MARCHF10: variants seen among roughly 807,000 people sequenced by gnomAD.
The protein encoded by MARCHF10 is probable E3 ubiquitin-protein ligase MARCHF10.
A neutral mutation model predicts 76.2 loss-of-function variants in MARCHF10; 64 were observed. The ratio of observed to expected loss-of-function variants is 0.84; its 90% confidence interval spans 0.69 to 1.03. The LOEUF is 1.03. MARCHF10 is among the 50% of genes least tolerant of loss of function. The pLI, the probability that MARCHF10 is intolerant of heterozygous loss-of-function variation, is 0.00. For missense variants in MARCHF10, 875 were observed against 958.0 expected (o/e 0.91, Z 1.14); for synonymous variants, 340 against 357.5 (o/e 0.95, Z 0.55).
rs2091763823 is a variant in MARCHF10 at position 62,747,961 on chromosome 17, G to A, written c.383-3433C>T. Among the ~76,000 whole-genome samples, 5 of 152,144 alleles carry A rather than the reference G, an allele frequency of 3.3e-5. No individual in the cohort carries two copies. The South Asian group carries it at 1.0e-3, about 31-fold the overall frequency. ...TTAAAGATTATTATAATCTAATTTG[G>A]CTGCACTGCTGACTTCTTCCCTGTG... On this transcript the variant is annotated intron_variant, in intron 4 of 10. Transcript: ENST00000311269.
Position 62,736,824 on chromosome 17 carries a change from C to G in MARCHF10, c.1044G>C (p.Glu348Asp), listed in dbSNP as rs775965680. The part of the protein sequence containing the change: ...NCRGHSSRRS[E>D]PSHGSLRISN... Reference sequence around the variant, plus strand: ...TTATTCTCAATGAGCCATGACTGGGCTCACTTCTTCTTGAAGAATGACCTC... The same window carrying G: ...TTATTCTCAATGAGCCATGACTGGGGTCACTTCTTCTTGAAGAATGACCTC... The change falls in exon 6 of 11, where the codon GAG becomes GAC. Residue 348 changes from glutamate to aspartate, a missense_variant. Glu to Asp is a conservative substitution (Grantham distance 45, BLOSUM62 2). Coordinates refer to ENST00000311269, the MANE Select transcript of MARCHF10 (RefSeq NM_152598.4). 1 of 1,614,046 alleles carries G rather than the reference C, an allele frequency of 6.2e-7. No homozygotes were observed. The highest frequency in any genetic ancestry group is 1.7e-5 in the Admixed American group (1 of 60,010).
In MARCHF10 at chr17:62,782,442, G is replaced by A. The variant is rs1475132592; in HGVS notation, c.210+6038C>T. Reference sequence around the variant, plus strand: ...AGCTTACTGCAATCTCCGCCTCCCAGGTTCAAGCAATTCATCTGCCTCAGC... The same window carrying A: ...AGCTTACTGCAATCTCCGCCTCCCAAGTTCAAGCAATTCATCTGCCTCAGC... On this transcript the variant is annotated intron_variant, in intron 3 of 10. Transcript: ENST00000311269. Among the ~76,000 whole-genome samples the A allele has an allele frequency of 2.7e-5, 4 of 146,224 alleles. No individual in the cohort carries two copies. In the East Asian group the frequency reaches 6.1e-4, roughly 22 times the overall value.
At chr17:62,790,690 AGCATCTCCTTCC>A (rs1270888359) in intron 2 of MARCHF10, among the ~76,000 whole-genome samples, 1 of 152,228 alleles carries the variant, frequency 6.6e-6, no homozygotes, top group Non-Finnish European at 1.5e-5. Flanking sequence ...TGTTAGAAAA[AGCATCTCCTTCC>A]GTGATGCAGT....
At chr17:62,767,892 C>T (rs963393834) in intron 3 of MARCHF10, among the ~76,000 whole-genome samples, 1 of 152,220 alleles carries the variant, frequency 6.6e-6, no homozygotes, top group Non-Finnish European at 1.5e-5. Context: ...CCTGCACCTA[C>T]TGCCCCACTG....
At chr17:62,714,182 C>G (rs1305095695) in intron 8 of MARCHF10, among the ~76,000 whole-genome samples, 2 of 152,180 alleles carry the variant, frequency 1.3e-5, no homozygotes, top group Non-Finnish European at 2.9e-5. Context: ...TGCGGCAGAG[C>G]AAGGATGGCA....
chr17:62,713,554 C>T (rs2090039933), intron 8 of MARCHF10, among the ~76,000 whole-genome samples: 1 of 152,224 alleles, frequency 6.6e-6, no homozygotes, highest in South Asian at 2.1e-4. Flanking sequence ...GCTGGTGATG[C>T]TCGACAAAGG....
rs1051727322 is a variant in MARCHF10 at position 62,711,176 on chromosome 17, A to G, written c.2328+55T>C. On this transcript the variant is annotated intron_variant, in intron 9 of 10. Coordinates refer to ENST00000311269, the MANE Select transcript of MARCHF10 (RefSeq NM_152598.4). The surrounding 1 kb of genome is among the most constrained non-coding windows in gnomAD (Gnocchi z 4.4). ...ACAGCTTGCACATCTAATAAACAGC[A>G]CTGCAGGGTTTTCAGGGCTGCCACC... 7 of 1,404,018 alleles carry G rather than the reference A, an allele frequency of 5.0e-6. No individual in the cohort carries two copies. Among genetic ancestry groups the G allele is most frequent in the Middle Eastern group, 2.0e-4 (1 of 4,920 alleles). 87.0% of individuals were successfully genotyped at this position (1,404,018 alleles called of 1,614,324 possible).
In MARCHF10 at chr17:62,801,678, C is replaced by G; in HGVS notation, c.58G>C (p.Asp20His). The change falls in exon 2 of 11, where the codon GAC (aspartate) becomes CAC (histidine). Residue 20 changes from aspartate (D) to histidine (H), a missense_variant. Coordinates refer to ENST00000311269, the MANE Select transcript of MARCHF10 (RefSeq NM_152598.4). ...TCAGAGTCCACCTTATGCTGCATGT[C>G]CCGCAGATACTGAACATCGCTGAAG... Reference protein sequence around the residue: ...KFFSDVQYLRDMQHKVDSEYQ... With the variant: ...KFFSDVQYLRHMQHKVDSEYQ... 1.2e-6 allele frequency: 2 copies of G among 1,614,174 alleles called. No individual in the cohort carries two copies. The highest frequency in any genetic ancestry group is 1.7e-6 in the Non-Finnish European group (2 of 1,180,024).
intron 1 of MARCHF10, chr17:62,806,310 C>T (rs1011026512): frequency 6.6e-6 from 1 of 152,174 alleles, no homozygotes; most frequent in Non-Finnish European, 1.5e-5. Context: ...AACCAGATGG[C>T]CACTTGAAGC....
intron 7 of MARCHF10, among the ~76,000 whole-genome samples, chr17:62,724,353 G>A (rs571005974): frequency 1.3e-5 from 2 of 152,198 alleles, no homozygotes; most frequent in South Asian, 4.2e-4. Context: ...GTTATAAGAT[G>A]CTAGGGAGCT....
chr17:62,796,725 A>C (rs1469416528), intron 2 of MARCHF10, among the ~76,000 whole-genome samples: 3 of 152,228 alleles, frequency 2.0e-5, no homozygotes, highest in African/African-American at 7.2e-5. Flanking sequence ...GCGGTGGCTC[A>C]CGCCTGTAAT....
Position 62,788,482 on chromosome 17 carries a change from G to A in MARCHF10, c.208C>T (p.Gln70Ter), listed in dbSNP as rs756613671. 1 of 1,614,032 alleles carries A rather than the reference G, an allele frequency of 6.2e-7. No individual in the cohort carries two copies. ...SRFSSRSSSK[Q>*]SSSEEDALTE... Reference sequence around the variant, plus strand: ...CTGTCTCCCAGAATTCTTCATACCTGTTTGGAAGATGACCTGCTAGAAAAC... The same window carrying A: ...CTGTCTCCCAGAATTCTTCATACCTATTTGGAAGATGACCTGCTAGAAAAC... Residue 70 changes from glutamine (Q) to a stop codon, truncating the protein, a stop_gained and splice_region_variant, in exon 3 of 11, where the codon CAG (glutamine) becomes TAG (stop). Coordinates refer to ENST00000311269, the MANE Select transcript of MARCHF10 (RefSeq NM_152598.4). LOFTEE classifies it high-confidence loss of function.
intron 2 of MARCHF10, among the ~76,000 whole-genome samples, chr17:62,793,869 C>G (rs2092934737): frequency 6.7e-6 from 1 of 149,832 alleles, no homozygotes; most frequent in African/African-American, 2.5e-5. Context: ...CCACGTCCAT[C>G]AACCACCACC....
chr17:62,738,060 T>TCACA lies in MARCHF10; in HGVS notation c.536-732_536-729dup, dbSNP rs55902229. 0.31 allele frequency: 39,921 copies of TCACA among 127,182 alleles called. 6,394 individuals are homozygous for TCACA. The highest frequency in any genetic ancestry group is 0.42 in the East Asian group (1,807 of 4,310). 7.9% of individuals were successfully genotyped at this position (127,182 alleles called of 1,614,324 possible). A position where few individuals can be genotyped will look rare whatever the true frequency, so the allele number is the denominator to read the frequency against. On this transcript the variant is annotated intron_variant, in intron 5 of 10. Transcript: ENST00000311269. This position sits in a 1 kb window ranked among gnomAD's most constrained non-coding sequence, Gnocchi z 4.0. Reference sequence around the variant, plus strand: ...AACTGTCTCTCTCTGTCTCTCTCTGTCACACACACACACACACACACACAC... The same window carrying TCACA: ...AACTGTCTCTCTCTGTCTCTCTCTGTCACACACACACACACACACACACACACAC...
At chr17:62,722,629 T>C (rs1231451717) in intron 7 of MARCHF10, 32 bp from the exon 8 acceptor site, 5 of 1,554,876 alleles carry the variant, frequency 3.2e-6, no homozygotes, top group African/African-American at 2.7e-5. Flanking sequence ...TATGTACATA[T>C]AACCATGGGT....
rs901062419 is a variant in MARCHF10, at chr17:62,711,142, A to G, written c.2328+89T>C. 5.9e-6 allele frequency: 6 copies of G among 1,025,608 alleles called. No individual in the cohort carries two copies. The highest frequency in any genetic ancestry group is 9.2e-6 in the Non-Finnish European group (6 of 655,110). The allele number at this position is 1,025,608 out of a possible 1,614,324, so 63.5% of individuals were successfully genotyped here. ...TCCCATATCCTCCCAAGCGACCGTG[A>G]GGACCTCAACAGCTTGCACATCTAA... On this transcript the variant is annotated intron_variant, in intron 9 of 10. Transcript: ENST00000311269. The surrounding 1 kb of genome is among the most constrained non-coding windows in gnomAD (Gnocchi z 4.4).
Position 62,701,453 on chromosome 17 carries a change from A to G in MARCHF10, c.*250T>C. 1 of 843,320 alleles carries G rather than the reference A, an allele frequency of 1.2e-6. No individual in the cohort carries two copies. The highest frequency in any genetic ancestry group is 3.1e-5 in the Admixed American group (1 of 32,616). The allele number at this position is 843,320 out of a possible 1,614,324, so 52.2% of individuals were successfully genotyped here. The stretch of plus-strand genomic sequence containing the variant: ...GCTTCTGGGCTAAGGGGGCAGCACC[A>G]GGCCAGCCTGCCAGGGGCTCCACAG... On this transcript the variant is annotated 3_prime_UTR_variant, in exon 11 of 11. Coordinates refer to ENST00000311269, the MANE Select transcript of MARCHF10 (RefSeq NM_152598.4).
chr17:62,737,554 G>A (rs1010859677), intron 5 of MARCHF10: 2 of 542,170 alleles, frequency 3.7e-6, no homozygotes, highest in Middle Eastern at 4.9e-4. Context: ...TAGGGAAATG[G>A]GGGGACCCTG....
At chr17:62,724,628 G>A (rs775292693) in intron 7 of MARCHF10, among the ~76,000 whole-genome samples, 3 of 152,180 alleles carry the variant, frequency 2.0e-5, no homozygotes, top group Admixed American at 6.5e-5. Context: ...CCTGAGAGGC[G>A]ATCTTAGCAT....
Sources: gnomAD v4.1 joint callset for allele counts (sites outside exome capture counted in the v4.1 genomes callset) on GRCh38, gnomAD v4.1.1 for gene constraint, Gnocchi (gnomAD v3.1) non-coding constraint, MANE v1.5 for transcripts, NCBI Gene and HGNC (gene_info 2026-07-23, HGNC 2026-07-21) for gene names.